The following PRKCE variants were observed in gnomAD, a reference collection of about 807,000 sequenced individuals.
PRKCE encodes protein kinase C epsilon type.
Under a neutral mutation model 85.4 loss-of-function variants are expected in PRKCE, and 16 were observed. The observed-to-expected ratio is 0.19, with a 90% CI of 0.13 to 0.28. PRKCE has a LOEUF of 0.28. Ranked by LOEUF, PRKCE falls within the 10% of genes least tolerant of loss-of-function variation. PRKCE has a pLI of 1.00. For missense variants in PRKCE, 573 were observed against 975.2 expected, an observed-to-expected ratio of 0.59 and a Z score of 5.49; for synonymous variants, 388 against 371.5, an observed-to-expected ratio of 1.04 and a Z score of -0.51.
intron 10 of PRKCE, among the ~76,000 whole-genome samples, chr2:46,029,400 G>T (rs896403470): frequency 6.6e-6 from 1 of 152,128 alleles, no homozygotes; most frequent in Non-Finnish European, 1.5e-5. Context: ...CCCATTTTAT[G>T]GATAAGCACA....
chr2:46,128,463 AT>A (rs1056981410), intron 11 of PRKCE, among the ~76,000 whole-genome samples: 1 of 152,194 alleles, frequency 6.6e-6, no homozygotes, highest in Non-Finnish European at 1.5e-5. Flanking sequence ...TGTTATCCCC[AT>A]TTTATGGGTT....
intron 10 of PRKCE, among the ~76,000 whole-genome samples, chr2:46,036,454 G>A (rs1056124732): frequency 2.0e-5 from 3 of 152,112 alleles, no homozygotes; most frequent in Non-Finnish European, 2.9e-5. Context: ...GCCAGGTATG[G>A]TGGTACATAC....
At chr2:45,729,935 ATC>A (rs1308786741) in intron 1 of PRKCE, among the ~76,000 whole-genome samples, 1 of 152,162 alleles carries the variant, frequency 6.6e-6, no homozygotes, top group Non-Finnish European at 1.5e-5. Context: ...CATGGAGGAG[ATC>A]TTTGGGTCCT....
At chr2:45,953,771 G>C (rs535380338) in intron 2 of PRKCE, among the ~76,000 whole-genome samples, 2 of 152,316 alleles carry the variant, frequency 1.3e-5, no homozygotes, top group East Asian at 3.9e-4. Context: ...GTTGTCTGTG[G>C]TGGGCCACAG....
chr2:45,825,456 C>T (rs1467096665), intron 1 of PRKCE, among the ~76,000 whole-genome samples: 1 of 152,250 alleles, frequency 6.6e-6, no homozygotes, highest in African/African-American at 2.4e-5. Context: ...CAGGAAATGC[C>T]ATTATGCCAA....
chr2:45,989,955 A>C (rs569951690), intron 6 of PRKCE, among the ~76,000 whole-genome samples: 47 of 152,282 alleles, frequency 3.1e-4, no homozygotes, highest in African/African-American at 9.9e-4. Flanking sequence ...GGGTCCTCTT[A>C]CTTCTAAAAA....
chr2:45,696,018 C>G (rs1678118412), intron 1 of PRKCE, among the ~76,000 whole-genome samples: 1 of 151,898 alleles, frequency 6.6e-6, no homozygotes, highest in South Asian at 2.1e-4. Flanking sequence ...TATACATGTG[C>G]CATGCTGGTG....
At chr2:45,662,444 TTC>T (rs1017983792) in intron 1 of PRKCE, among the ~76,000 whole-genome samples, 13 of 152,164 alleles carry the variant, frequency 8.5e-5, no homozygotes, top group African/African-American at 2.4e-4. Context: ...CTAATTTTTT[TTC>T]TCTCTCTATG....
chr2:46,065,975 A>T (rs1021664405), intron 10 of PRKCE, among the ~76,000 whole-genome samples: 3 of 152,176 alleles, frequency 2.0e-5, no homozygotes, highest in African/African-American at 7.2e-5. Context: ...CTGAGACTGT[A>T]TTGGTCCCCG....
Position 46,131,020 on chromosome 2 carries a change from T to C in PRKCE, c.1593-14073T>C, listed in dbSNP as rs1280474918. The stretch of plus-strand genomic sequence containing the variant: ...GCACCTGTCTTCCTTGAATGTAACT[T>C]ACTAATATTTCATCCACATCTATGG... On this transcript the variant is annotated intron_variant, in intron 11 of 14. Coordinates refer to ENST00000306156, the MANE Select transcript of PRKCE (RefSeq NM_005400.3). 2.0e-5 allele frequency among the ~76,000 whole-genome samples: 3 copies of C among 152,212 alleles called. No homozygotes were observed. In the South Asian group the frequency reaches 6.2e-4, roughly 32 times the overall value.
At chr2:45,748,385 T>C (rs1292793805) in intron 1 of PRKCE, among the ~76,000 whole-genome samples, 2 of 152,246 alleles carry the variant, frequency 1.3e-5, no homozygotes, top group African/African-American at 4.8e-5. Context: ...CGTTGCCTCC[T>C]GCATCTTCAG....
intron 2 of PRKCE, among the ~76,000 whole-genome samples, chr2:45,952,074 C>A (rs1700660048): frequency 6.6e-6 from 1 of 152,210 alleles, no homozygotes; most frequent in Admixed American, 6.5e-5. Context: ...GTCAAGTGAT[C>A]TACCCGCCTC....
chr2:45,808,419 G>C (rs1688410331), intron 1 of PRKCE, among the ~76,000 whole-genome samples: 2 of 152,190 alleles, frequency 1.3e-5, no homozygotes, highest in Admixed American at 1.3e-4. Context: ...CCATAAAAAA[G>C]TGTTATTCCC....
chr2:45,810,653 G>A (rs1407071919), intron 1 of PRKCE, among the ~76,000 whole-genome samples: 1 of 151,790 alleles, frequency 6.6e-6, no homozygotes, highest in Non-Finnish European at 1.5e-5. Context: ...GCAGAATCTC[G>A]GCTCATTGCA....
chr2:45,725,041 A>G (rs546667443), intron 1 of PRKCE, among the ~76,000 whole-genome samples: 1 of 152,374 alleles, frequency 6.6e-6, no homozygotes, highest in Admixed American at 6.5e-5. Context: ...CTAAAGAGAA[A>G]TCAATACCTG....
intron 2 of PRKCE, among the ~76,000 whole-genome samples, chr2:45,920,042 G>T (rs1382472561): frequency 6.6e-6 from 1 of 152,168 alleles, no homozygotes; most frequent in South Asian, 2.1e-4. Flanking sequence ...GGCCATGTCT[G>T]TACATGTATT....
intron 1 of PRKCE, among the ~76,000 whole-genome samples, chr2:45,771,756 G>C (rs1308404210): frequency 1.3e-5 from 2 of 149,384 alleles, no homozygotes; most frequent in Non-Finnish European, 3.0e-5. Flanking sequence ...TTGGGGGCTG[G>C]CTAACACCAG....
At chr2:45,890,173 C>A (rs1695616181) in intron 2 of PRKCE, among the ~76,000 whole-genome samples, 3 of 152,152 alleles carry the variant, frequency 2.0e-5, no homozygotes, top group Admixed American at 6.6e-5. Context: ...TCTTTTCAAG[C>A]TTTTATTATG....
chr2:45,859,024 G>A lies in PRKCE; in HGVS notation c.412+15961G>A, dbSNP rs529080036. ...GCGTTGTATTCCAGCCTGGGCAACAGAGCAGGACTCCATCTCTAAATAAAT... is the reference window on the plus strand; with the variant it reads ...GCGTTGTATTCCAGCCTGGGCAACAAAGCAGGACTCCATCTCTAAATAAAT... On this transcript the variant is annotated intron_variant, in intron 2 of 14. Coordinates refer to ENST00000306156, the MANE Select transcript of PRKCE (RefSeq NM_005400.3). 2.0e-5 allele frequency among the ~76,000 whole-genome samples: 3 copies of A among 149,454 alleles called. No homozygotes were observed. The Admixed American group carries it at 2.0e-4, about 10-fold the overall frequency.
Sources: allele counts gnomAD v4.1 joint callset (sites outside exome capture counted in the v4.1 genomes callset), GRCh38; gene constraint gnomAD v4.1.1; transcripts MANE v1.5; gene names NCBI Gene and HGNC (gene_info 2026-07-23, HGNC 2026-07-21).